Variants in CACNA1C observed in about 807,000 individuals in gnomAD.
CACNA1C encodes the protein calcium voltage-gated channel subunit alpha1 C, also known as voltage-dependent L-type calcium channel subunit alpha-1C.
Under a neutral mutation model 229.0 loss-of-function variants are expected in CACNA1C, and 30 were observed. That is an observed-to-expected ratio of 0.13 (90% confidence interval 0.10 to 0.18). CACNA1C has a LOEUF of 0.18. Ranked by LOEUF, CACNA1C falls within the 10% of genes least tolerant of loss-of-function variation. The probability of loss-of-function intolerance (pLI) is 1.00; values close to 1 mark genes in which losing one functional copy is unlikely to be tolerated. For missense variants in CACNA1C, 1,658 were observed against 2,845.0 expected, an observed-to-expected ratio of 0.58 and a Z score of 9.49; for synonymous variants, 1,114 against 1,132.5, an observed-to-expected ratio of 0.98 and a Z score of 0.33.
rs1349586679 is a variant in CACNA1C, at chr12:2,689,463, G to A, written c.6117+684G>A. Among the ~76,000 whole-genome samples the A allele has an allele frequency of 6.6e-6, 1 of 152,126 alleles. No homozygotes were observed. Among genetic ancestry groups the A allele is most frequent in the Non-Finnish European group, 1.5e-5 (1 of 68,030 alleles). The stretch of plus-strand genomic sequence containing the variant: ...TACACCTCTCACACCTGCAACGGGT[G>A]GGATGGGGAAAGGGTGGCAGGCTCA... On this transcript the variant is annotated intron_variant, in intron 46 of 46. Transcript: ENST00000399655. This position sits in a 1 kb window ranked among gnomAD's most constrained non-coding sequence, Gnocchi z 4.2.
chr12:2,052,547 G>C (rs866045938), upstream of CACNA1C, among the ~76,000 whole-genome samples: 4 of 150,018 alleles, frequency 2.7e-5, no homozygotes, highest in Admixed American at 6.6e-5. Flanking sequence ...GAACGCGGGC[G>C]GGGGGCTGCA....
intron 8 of CACNA1C, among the ~76,000 whole-genome samples, chr12:2,507,843 C>G (rs1483590155): frequency 1.3e-5 from 2 of 152,242 alleles, no homozygotes; most frequent in Non-Finnish European, 2.9e-5. Context: ...TATCCCTGAC[C>G]TCTGTGGTGT....
chr12:2,367,761 G>T (rs2097761776), intron 3 of CACNA1C, among the ~76,000 whole-genome samples: 1 of 152,094 alleles, frequency 6.6e-6, no homozygotes, highest in South Asian at 2.1e-4. Flanking sequence ...ATAAGAGAAT[G>T]AATGCTATTC....
intron 2 of CACNA1C, among the ~76,000 whole-genome samples, chr12:2,118,300 T>C (rs1479363264): frequency 6.6e-6 from 1 of 151,990 alleles, no homozygotes; most frequent in Non-Finnish European, 1.5e-5. Flanking sequence ...CTTGTCCCGA[T>C]GGGGAGAGCA....
At chr12:1,973,849 AT>A (rs1436071242) in intron 1 of CACNA1C, among the ~76,000 whole-genome samples, 1 of 152,154 alleles carries the variant, frequency 6.6e-6, no homozygotes, top group Non-Finnish European at 1.5e-5. Flanking sequence ...TTGCTGAAAA[AT>A]TTCAAAATCT....
chr12:2,156,342 G>A (rs2095554036), intron 3 of CACNA1C, among the ~76,000 whole-genome samples: 2 of 152,140 alleles, frequency 1.3e-5, no homozygotes, highest in Non-Finnish European at 2.9e-5. Context: ...AGCTAGTAGC[G>A]TAAAAATTGC....
At chr12:2,610,103 G>A (rs1330757879) in intron 27 of CACNA1C, among the ~76,000 whole-genome samples, 2 of 152,118 alleles carry the variant, frequency 1.3e-5, no homozygotes, top group African/African-American at 4.8e-5. Flanking sequence ...CCAGCCTGCT[G>A]GATTTAGGAC....
At chr12:2,090,744 G>A (rs1292080455) in intron 1 of CACNA1C, among the ~76,000 whole-genome samples, 2 of 152,176 alleles carry the variant, frequency 1.3e-5, no homozygotes, top group East Asian at 3.8e-4. Flanking sequence ...GAGTTCTTTT[G>A]GATACATATC....
chr12:2,006,267 G>C (rs2043428117), intron 1 of CACNA1C, among the ~76,000 whole-genome samples: 1 of 152,120 alleles, frequency 6.6e-6, no homozygotes, highest in African/African-American at 2.4e-5. Context: ...AATTAGCCAG[G>C]AGTGGTGGCA....
intron 3 of CACNA1C, among the ~76,000 whole-genome samples, chr12:2,387,374 A>T (rs914929250): frequency 1.5e-4 from 23 of 152,118 alleles, no homozygotes; most frequent in Admixed American, 5.2e-4. Context: ...AATCCCAGCC[A>T]TCCAGGAGGC....
chr12:2,416,324 G>A (rs926223093), intron 3 of CACNA1C, among the ~76,000 whole-genome samples: 47 of 151,824 alleles, frequency 3.1e-4, no homozygotes, highest in African/African-American at 8.7e-4. Flanking sequence ...ATGCTCTATC[G>A]GAAAGGAAAA....
chr12:2,503,543 T>A (rs1035201459), intron 7 of CACNA1C, among the ~76,000 whole-genome samples: 1 of 152,130 alleles, frequency 6.6e-6, no homozygotes, highest in African/African-American at 2.4e-5. Context: ...CTTCTTAGGG[T>A]CAGCGGGTAC....
chr12:2,458,846 A>G (rs2099466841), intron 5 of CACNA1C, among the ~76,000 whole-genome samples: 1 of 152,166 alleles, frequency 6.6e-6, no homozygotes, highest in Non-Finnish European at 1.5e-5. Flanking sequence ...TGTGACTTTA[A>G]TTAACTAGCA....
chr12:2,687,976 T>C (rs1285007133), intron 45 of CACNA1C, among the ~76,000 whole-genome samples: 1 of 152,264 alleles, frequency 6.6e-6, no homozygotes, highest in Non-Finnish European at 1.5e-5. Context: ...TCCCAACTCT[T>C]TGTGAGGTGC....
chr12:2,276,719 C>T (rs1249958719), intron 3 of CACNA1C, among the ~76,000 whole-genome samples: 1 of 152,096 alleles, frequency 6.6e-6, no homozygotes, highest in Non-Finnish European at 1.5e-5. Context: ...GAATAGGGTT[C>T]CCAACAGGAT....
At chr12:2,682,898 C>CACACAACACACACAAACACACACACAG (rs2097244887) in intron 43 of CACNA1C, among the ~76,000 whole-genome samples, 1 of 21,844 alleles carries the variant, frequency 4.6e-5, no homozygotes, top group African/African-American at 9.8e-5. Flanking sequence ...CACACAGACA[C>CACACAACACACACAAACACACACACAG]ACACAACACA....
chr12:2,572,343 T>C (rs2055256026), intron 13 of CACNA1C, among the ~76,000 whole-genome samples: 2 of 126,592 alleles, frequency 1.6e-5, no homozygotes, highest in Admixed American at 7.8e-5. Flanking sequence ...CTCTTCTTCC[T>C]CCTCCTCCTC....
At chr12:2,606,170 C>T (rs147662055) in intron 24 of CACNA1C, among the ~76,000 whole-genome samples, 1 of 152,220 alleles carries the variant, frequency 6.6e-6, no homozygotes, top group Non-Finnish European at 1.5e-5. Context: ...GAGCCCTGCA[C>T]CTGTCAAAGT....
intron 5 of CACNA1C, among the ~76,000 whole-genome samples, chr12:2,462,576 A>G (rs1297915708): frequency 3.3e-5 from 5 of 152,350 alleles, no homozygotes; most frequent in Non-Finnish European, 7.3e-5. Context: ...AGCACCGACA[A>G]TAAAGGTGAT....
Sources: allele counts gnomAD v4.1 joint callset (sites outside exome capture counted in the v4.1 genomes callset), GRCh38; gene constraint gnomAD v4.1.1; non-coding constraint Gnocchi (gnomAD v3.1); transcripts MANE v1.5; gene names NCBI Gene and HGNC (gene_info 2026-07-23, HGNC 2026-07-21).